RSPH14: variants seen among roughly 807,000 people sequenced by gnomAD.
The protein encoded by RSPH14 is radial spoke head 14 homolog, also known as rhabdoid tumor deletion region gene 1.
In RSPH14, 20 loss-of-function variants were observed where a neutral mutation model predicts 26.7. The observed-to-expected ratio is 0.75, with a 90% confidence interval of 0.53 to 1.09. The LOEUF (loss-of-function observed/expected upper bound fraction) is 1.09. Ranked by LOEUF, RSPH14 falls within the 50% of genes least tolerant of loss-of-function variation. The probability of loss-of-function intolerance (pLI) is 0.00; values close to 1 mark genes in which losing one functional copy is unlikely to be tolerated. For synonymous variants in RSPH14, 177 were observed against 189.3 expected (o/e 0.93, Z 0.53); for missense variants, 449 against 457.2 (o/e 0.98, Z 0.16).
At chr22:23,109,144 G>A (rs901134774) in intron 4 of RSPH14, among the ~76,000 whole-genome samples, 2 of 152,180 alleles carry the variant, frequency 1.3e-5, no homozygotes, top group African/African-American at 4.8e-5. Flanking sequence ...TTTCTCTTGT[G>A]ACGCACTTCA....
intron 4 of RSPH14, among the ~76,000 whole-genome samples, chr22:23,116,078 T>A (rs771972358): frequency 9.2e-5 from 14 of 152,246 alleles, no homozygotes; most frequent in Non-Finnish European, 1.2e-4. Flanking sequence ...CCAGCCTCTG[T>A]CATGTGCTCA....
chr22:23,096,951 G>A (rs897308668), intron 4 of RSPH14, among the ~76,000 whole-genome samples: 5 of 152,250 alleles, frequency 3.3e-5, no homozygotes, highest in Non-Finnish European at 5.9e-5. Flanking sequence ...AGCGGTGGGG[G>A]CTTGAGAGTG....
intron 4 of RSPH14, among the ~76,000 whole-genome samples, chr22:23,096,883 TTGGGATTCTTTCACAGTGGCA>T: frequency 6.6e-6 from 1 of 152,222 alleles, no homozygotes; most frequent in Middle Eastern, 3.4e-3. Context: ...AAAGCAGGTG[TTGGGATTCTTTCACAGTGGCA>T]TGGGCGCAGC....
chr22:23,097,870 T>TCAC (rs1299603181), intron 4 of RSPH14, among the ~76,000 whole-genome samples: 1 of 152,228 alleles, frequency 6.6e-6, no homozygotes, highest in Non-Finnish European at 1.5e-5. Flanking sequence ...GCCACTGGCC[T>TCAC]CACCCATCAC....
chr22:23,095,719 G>A (rs1198170823), intron 4 of RSPH14: 3 of 1,610,352 alleles, frequency 1.9e-6, no homozygotes, highest in Non-Finnish European at 2.5e-6. Context: ...AAAGCTCAGA[G>A]GAAAAAGAAG....
chr22:23,112,303 G>A (rs780501696), intron 4 of RSPH14, among the ~76,000 whole-genome samples: 4 of 152,194 alleles, frequency 2.6e-5, no homozygotes, highest in Non-Finnish European at 4.4e-5. Context: ...GGCATCCTTC[G>A]GCCCCGCCCC....
At chr22:23,101,880 G>A (rs739362) in intron 4 of RSPH14, among the ~76,000 whole-genome samples, 2 of 152,060 alleles carry the variant, frequency 1.3e-5, no homozygotes, top group African/African-American at 2.4e-5. Context: ...ATGGCACCTC[G>A]CATGGCAGGC....
At chr22:23,166,247 T>C in the RSPH14 span, among the ~76,000 whole-genome samples, 18 of 147,982 alleles carry the variant, frequency 1.2e-4, no homozygotes, top group African/African-American at 4.0e-4. Context: ...ACACTTGCTA[T>C]ATTTGGCCAA....
intron 3 of RSPH14, chr22:23,136,149 T>A: frequency 1.5e-6 from 1 of 656,498 alleles, no homozygotes; most frequent in Non-Finnish European, 2.8e-6. Flanking sequence ...TCTCATGCTT[T>A]GATAGTCAGT....
chr22:23,119,209 C>T (rs543326974), intron 4 of RSPH14, among the ~76,000 whole-genome samples: 3 of 152,364 alleles, frequency 2.0e-5, no homozygotes, highest in African/African-American at 7.2e-5. Context: ...CGCTGTGACA[C>T]AGGCTCCCGA....
chr22:23,122,808 C>T, intron 4 of RSPH14: 1 of 514,862 alleles, frequency 1.9e-6, no homozygotes, highest in Non-Finnish European at 3.5e-6. Flanking sequence ...AGCCCCAAAG[C>T]TATATGTTGA....
chr22:23,073,131 G>A (rs1035574564), intron 4 of RSPH14, among the ~76,000 whole-genome samples: 10 of 152,228 alleles, frequency 6.6e-5, no homozygotes, highest in Non-Finnish European at 1.2e-4. Context: ...TACTTAAGAC[G>A]GTGTGTGGTG....
intron 4 of RSPH14, among the ~76,000 whole-genome samples, chr22:23,087,378 C>T (rs2068848313): frequency 6.6e-6 from 1 of 152,098 alleles, no homozygotes; most frequent in African/African-American, 2.4e-5. Flanking sequence ...GTGGGAGGAT[C>T]GCTTGAGCCC....
chr22:23,059,832 C>G (rs193022119), intron 6 of RSPH14, 114 bp from the exon 7 acceptor site: 174 of 1,183,058 alleles, frequency 1.5e-4, no homozygotes, highest in Middle Eastern at 3.1e-4. Context: ...GGGGTTTATG[C>G]CTGGTTTATG....
the RSPH14 span, among the ~76,000 whole-genome samples, chr22:23,155,580 C>T: frequency 6.6e-6 from 1 of 152,342 alleles, no homozygotes; most frequent in African/African-American, 2.4e-5. Context: ...GGAGGCCCCG[C>T]CTGGAGCCCC....
the RSPH14 span, chr22:23,162,921 T>A: frequency 2.9e-6 from 1 of 347,616 alleles, no homozygotes; most frequent in Non-Finnish European, 5.7e-6. Context: ...TGACTTTTTT[T>A]TTTTTTTGAG....
chr22:23,106,174 AAT>A (rs2069468992), intron 4 of RSPH14, among the ~76,000 whole-genome samples: 1 of 152,216 alleles, frequency 6.6e-6, no homozygotes, highest in Non-Finnish European at 1.5e-5. Context: ...CACCCTTGGG[AAT>A]ACAGAGGCTC....
At chr22:23,093,479 G>A (rs1391188866) in intron 4 of RSPH14, among the ~76,000 whole-genome samples, 1 of 152,212 alleles carries the variant, frequency 6.6e-6, no homozygotes, top group East Asian at 1.9e-4. Context: ...TAGGGGCGAC[G>A]GCAGCACACA....
chr22:23,134,309 TC>T (rs1463746443), intron 3 of RSPH14, among the ~76,000 whole-genome samples, 165 bp from the exon 4 acceptor site: 2 of 152,048 alleles, frequency 1.3e-5, no homozygotes, highest in African/African-American at 2.4e-5. Context: ...GTGATCCATC[TC>T]ACCTGAACCT....
Sources: allele counts gnomAD v4.1 joint callset (sites outside exome capture counted in the v4.1 genomes callset), GRCh38; gene constraint gnomAD v4.1.1; transcripts MANE v1.5; gene names NCBI Gene and HGNC (gene_info 2026-07-23, HGNC 2026-07-21).